The following ILRUN variants were observed in gnomAD, a reference collection of about 807,000 sequenced individuals.
ILRUN encodes protein ILRUN.
Under a neutral mutation model 33.8 loss-of-function variants are expected in ILRUN, and 3 were observed. That is an observed-to-expected ratio of 0.09 (90% CI 0.04 to 0.23). The LOEUF (loss-of-function observed/expected upper bound fraction) is 0.23, where lower values mean the gene tolerates loss of function less well. Among genes scored for constraint, ILRUN ranks in the 10% least tolerant of loss-of-function variants. The pLI is 1.00. For synonymous variants in ILRUN, 124 were observed against 138.9 expected, an observed-to-expected ratio of 0.89 and a Z score of 0.75; for missense variants, 210 against 375.1, an observed-to-expected ratio of 0.56 and a Z score of 3.64.
At chr6:34,683,997 C>G (rs1044063208) in intron 1 of ILRUN, among the ~76,000 whole-genome samples, 1 of 151,732 alleles carries the variant, frequency 6.6e-6, no homozygotes, top group Non-Finnish European at 1.5e-5. Context: ...CCCAGGGAGG[C>G]ATATGGGGGA....
chr6:34,619,045 A>C (rs9469821), intron 3 of ILRUN, among the ~76,000 whole-genome samples: 4,109 of 152,256 alleles, frequency 0.027, 201 homozygotes, highest in African/African-American at 0.093. Flanking sequence ...CACAAAGGTC[A>C]CTGGAGAGCT....
chr6:34,614,431 T>TAATAAA (rs1265306959), intron 3 of ILRUN, among the ~76,000 whole-genome samples: 4 of 113,974 alleles, frequency 3.5e-5, no homozygotes, highest in Non-Finnish European at 3.7e-5. Context: ...CAAAAAATAA[T>TAATAAA]AAAAAAAAAA....
intron 3 of ILRUN, among the ~76,000 whole-genome samples, chr6:34,641,676 T>C (rs998903319): frequency 2.6e-5 from 4 of 152,190 alleles, no homozygotes; most frequent in Admixed American, 6.5e-5. Context: ...AGATGAATTA[T>C]TAAAATCCCT....
In ILRUN at chr6:34,696,704, GC is replaced by G; in HGVS notation, c.-102del. 7.6e-7 allele frequency: 1 copy of G among 1,315,786 alleles called. No homozygotes were observed. The highest frequency in any genetic ancestry group is 1.0e-6 in the Non-Finnish European group (1 of 959,728). The allele number at this position is 1,315,786 out of a possible 1,614,324, so 81.5% of individuals were successfully genotyped here. ...AGGGGGGCCGCTGCTAGCTAGCTTC[GC>G]GACCCCGCTCCTTTGAGGTAGGCCC... On this transcript the variant is annotated 5_prime_UTR_variant, in exon 1 of 5. Coordinates refer to ENST00000374023, the MANE Select transcript of ILRUN (RefSeq NM_024294.4).
intron 3 of ILRUN, among the ~76,000 whole-genome samples, chr6:34,627,978 C>A (rs1212338724): frequency 2.0e-5 from 3 of 151,982 alleles, no homozygotes; most frequent in Non-Finnish European, 4.4e-5. Context: ...ACTGGGATTA[C>A]AGGCATGAGC....
chr6:34,591,023 C>T (rs1761283214), intron 4 of ILRUN, among the ~76,000 whole-genome samples: 1 of 152,194 alleles, frequency 6.6e-6, no homozygotes, highest in Non-Finnish European at 1.5e-5. Context: ...ACACATATAT[C>T]AGCAAAAACA....
chr6:34,683,475 CATATATATATACATATATATATACATAT>C (rs1216715946), intron 1 of ILRUN, among the ~76,000 whole-genome samples: 5 of 79,894 alleles, frequency 6.3e-5, no homozygotes, highest in Non-Finnish European at 1.1e-4. Context: ...TATATATACA[CATATATATATACATATATATATACATAT>C]ATATATATAT....
At chr6:34,684,199 A>C (rs999362826) in intron 1 of ILRUN, among the ~76,000 whole-genome samples, 1 of 152,184 alleles carries the variant, frequency 6.6e-6, no homozygotes, top group South Asian at 2.1e-4. Flanking sequence ...TTTAAGGCAA[A>C]TATCAGACAT....
intron 3 of ILRUN, among the ~76,000 whole-genome samples, chr6:34,645,209 T>C (rs981041758): frequency 6.6e-6 from 1 of 152,174 alleles, no homozygotes; most frequent in Non-Finnish European, 1.5e-5. Flanking sequence ...TGAAGGCAAG[T>C]ACTATTTACT....
At chr6:34,642,998 G>C (rs1762502897) in intron 3 of ILRUN, among the ~76,000 whole-genome samples, 1 of 147,164 alleles carries the variant, frequency 6.8e-6, no homozygotes, top group African/African-American at 2.5e-5. Flanking sequence ...AAAAAGGAAA[G>C]AATGAAAGAG....
chr6:34,617,167 G>T, intron 3 of ILRUN: 1 of 502,656 alleles, frequency 2.0e-6, no homozygotes. Flanking sequence ...TGCATTAAGT[G>T]GAATGAAGAA....
chr6:34,636,028 G>T (rs951947581), intron 3 of ILRUN, among the ~76,000 whole-genome samples: 2 of 152,122 alleles, frequency 1.3e-5, no homozygotes, highest in East Asian at 3.8e-4. Context: ...GAGGCGAAGA[G>T]GAAGAATTGC....
chr6:34,655,087 G>A (rs940778084), intron 1 of ILRUN, among the ~76,000 whole-genome samples: 6 of 152,016 alleles, frequency 3.9e-5, no homozygotes, highest in Non-Finnish European at 8.8e-5. Context: ...TTAAAAGAGA[G>A]TTCTATAACT....
intron 1 of ILRUN, among the ~76,000 whole-genome samples, chr6:34,687,384 G>C (rs1763544112): frequency 6.6e-6 from 1 of 152,108 alleles, no homozygotes; most frequent in Non-Finnish European, 1.5e-5. Context: ...TACCCACTAA[G>C]ATGGCTATAG....
chr6:34,623,624 T>C (rs1001522683), intron 3 of ILRUN, among the ~76,000 whole-genome samples: 2 of 152,204 alleles, frequency 1.3e-5, no homozygotes, highest in Non-Finnish European at 2.9e-5. Flanking sequence ...AATTTCAAAG[T>C]ACAATTGTGT....
intron 3 of ILRUN, chr6:34,617,028 A>C: frequency 1.9e-6 from 1 of 534,448 alleles, no homozygotes; most frequent in Non-Finnish European, 3.7e-6. Context: ...CTGACAGACA[A>C]CACTTTGATT....
At chr6:34,617,077 G>C in intron 3 of ILRUN, 1 of 531,728 alleles carries the variant, frequency 1.9e-6, no homozygotes, top group Non-Finnish European at 3.7e-6. Context: ...CCTGCATGGA[G>C]GATCTGATCA....
At chr6:34,675,034 A>G (rs1020133767) in intron 1 of ILRUN, among the ~76,000 whole-genome samples, 3 of 152,226 alleles carry the variant, frequency 2.0e-5, no homozygotes, top group Non-Finnish European at 4.4e-5. Flanking sequence ...TAATCCCAGC[A>G]CTTTCGGAGG....
At chr6:34,630,423 C>T (rs1045800115) in intron 3 of ILRUN, among the ~76,000 whole-genome samples, 3 of 152,102 alleles carry the variant, frequency 2.0e-5, no homozygotes, top group South Asian at 2.1e-4. Context: ...CTCACTCTGT[C>T]GCCAGTCCGG....
Sources: allele counts gnomAD v4.1 joint callset (sites outside exome capture counted in the v4.1 genomes callset), GRCh38; gene constraint gnomAD v4.1.1; transcripts MANE v1.5; gene names NCBI Gene and HGNC (gene_info 2026-07-23, HGNC 2026-07-21).